The following KCNA6 variants were observed in gnomAD, a reference collection of about 807,000 sequenced individuals.
KCNA6 encodes human brain potassium channel-2.
In KCNA6, 17 loss-of-function variants were observed where a neutral mutation model predicts 29.5. The ratio of observed to expected loss-of-function variants is 0.58; its 90% CI spans 0.39 to 0.86. KCNA6 has a LOEUF of 0.86. Among genes scored for constraint, KCNA6 ranks in the 40% least tolerant of loss-of-function variants. KCNA6 has a pLI of 0.00. For synonymous variants in KCNA6, 296 were observed against 304.7 expected (o/e 0.97, Z 0.30); for missense variants, 450 against 703.4 (o/e 0.64, Z 4.07).
Position 4,811,339 on chromosome 12 carries a change from T to G in KCNA6, c.1298T>G (p.Val433Gly), listed in dbSNP as rs1591590295. 6.2e-7 allele frequency: 1 copy of G among 1,613,808 alleles called. No homozygotes were observed. Among genetic ancestry groups the G allele is most frequent in the Non-Finnish European group, 8.5e-7 (1 of 1,179,730 alleles). Reference sequence around the variant, plus strand: ...TACGGGGACATGTACCCCATGACTGTGGGGGGAAAGATCGTGGGCTCGCTG... The same window carrying G: ...TACGGGGACATGTACCCCATGACTGGGGGGGGAAAGATCGTGGGCTCGCTG... The change falls in exon 1 of 1, where the codon GTG becomes GGG. Residue 433 changes from valine (V) to glycine (G), a missense_variant. Around this residue, in one of 7 missense-constraint regions of KCNA6, gnomAD observed 57 missense variants for 140.3 expected, o/e 0.41. Coordinates refer to ENST00000280684, the Ensembl canonical transcript of KCNA6. This position sits in a 1 kb window ranked among gnomAD's most constrained non-coding sequence, Gnocchi z 7.1.
At chr12:4,825,957 T>C in the KCNA6 span, among the ~76,000 whole-genome samples, 3 of 152,258 alleles carry the variant, frequency 2.0e-5, no homozygotes, top group East Asian at 1.9e-4. Context: ...TAAAACCTTT[T>C]GATGAAAACA....
chr12:4,844,062 C>T, the KCNA6 span, among the ~76,000 whole-genome samples: 1 of 151,382 alleles, frequency 6.6e-6, no homozygotes, highest in East Asian at 2.0e-4. The surrounding 1 kb of genome is among the most constrained non-coding windows in gnomAD (Gnocchi z 4.0). Flanking sequence ...AGTTCGTTTT[C>T]TGGGATTGAC....
the KCNA6 span, among the ~76,000 whole-genome samples, chr12:4,827,184 C>CACTCCTTCCTTCCTT: frequency 9.2e-6 from 1 of 108,198 alleles, no homozygotes; most frequent in African/African-American, 4.0e-5. Flanking sequence ...TTCCTTCCTT[C>CACTCCTTCCTTCCTT]CCTCCTTCCT....
At chr12:4,836,679 C>G in the KCNA6 span, among the ~76,000 whole-genome samples, 1 of 151,944 alleles carries the variant, frequency 6.6e-6, no homozygotes, top group Non-Finnish European at 1.5e-5. Flanking sequence ...TTCTGAAGGC[C>G]ATGGGAGCAA....
At chr12:4,821,271 C>T in the KCNA6 span, among the ~76,000 whole-genome samples, 9 of 152,238 alleles carry the variant, frequency 5.9e-5, no homozygotes, top group African/African-American at 1.4e-4. Flanking sequence ...AAAAGAGGTC[C>T]GGTATGGTGG....
At chr12:4,822,931 T>C in the KCNA6 span, among the ~76,000 whole-genome samples, 1 of 152,246 alleles carries the variant, frequency 6.6e-6, no homozygotes, top group Non-Finnish European at 1.5e-5. Flanking sequence ...TCTTTGAAGC[T>C]TATTGGCCGA....
rs759476915 is a variant in KCNA6, at chr12:4,810,503, G to T, written c.462G>T (p.Gln154His). The T allele has an allele frequency of 6.2e-7, 1 of 1,614,176 alleles. No individual in the cohort carries two copies. The highest frequency in any genetic ancestry group is 8.5e-7 in the Non-Finnish European group (1 of 1,180,042). Residue 154 changes from glutamine (Q) to histidine (H), a missense_variant, in exon 1 of 1, where the codon CAG becomes CAT. Gln to His is a conservative substitution (Grantham distance 24). Coordinates refer to ENST00000280684, the Ensembl canonical transcript of KCNA6. This position sits in a 1 kb window ranked among gnomAD's most constrained non-coding sequence, Gnocchi z 7.5. ...AGGACGAGAAGCCGCTGCCCTCCCA[G>T]CCCTTCCAGCGCCAGGTGTGGCTGC...
At chr12:4,825,240 C>T in the KCNA6 span, among the ~76,000 whole-genome samples, 2 of 152,204 alleles carry the variant, frequency 1.3e-5, no homozygotes, top group African/African-American at 2.4e-5. Context: ...ATGTGATCTG[C>T]AGAACATCAG....
At chr12:4,840,023 TTCC>T in the KCNA6 span, among the ~76,000 whole-genome samples, 1 of 152,150 alleles carries the variant, frequency 6.6e-6, no homozygotes, top group African/African-American at 2.4e-5. Flanking sequence ...GAGAAAAAAC[TTCC>T]ATCATGAAAA....
chr12:4,809,954 C>T, exon 1 of KCNA6: 1 of 1,434,732 alleles, frequency 7.0e-7, no homozygotes, highest in Non-Finnish European at 9.2e-7. Context: ...AAAGAGGGCG[C>T]AGCCGGGAGC....
At chr12:4,825,718 A>G in the KCNA6 span, among the ~76,000 whole-genome samples, 1 of 152,218 alleles carries the variant, frequency 6.6e-6, no homozygotes, top group African/African-American at 2.4e-5. Flanking sequence ...TATAGTCCTT[A>G]TAAGTCTTCT....
chr12:4,838,977 A>G, the KCNA6 span: 1 of 152,338 alleles, frequency 6.6e-6, no homozygotes, highest in South Asian at 2.1e-4. Flanking sequence ...TTGAGGAAAC[A>G]CAAACATTGG....
In KCNA6 at chr12:4,811,342, G is replaced by A. The variant is rs2137573701; in HGVS notation, c.1301G>A (p.Gly434Glu). The A allele has an allele frequency of 6.2e-7, 1 of 1,613,876 alleles. No individual in the cohort carries two copies. Among genetic ancestry groups the A allele is most frequent in the Non-Finnish European group, 8.5e-7 (1 of 1,179,726 alleles). Residue 434 changes from glycine to glutamate, a missense_variant, in exon 1 of 1, where the codon GGG becomes GAG. Transcript: ENST00000280684. The surrounding 1 kb of genome is among the most constrained non-coding windows in gnomAD (Gnocchi z 7.1). ...GGGGACATGTACCCCATGACTGTGG[G>A]GGGAAAGATCGTGGGCTCGCTGTGT...
chr12:4,816,513 GA>G (rs1946684146), downstream of KCNA6, among the ~76,000 whole-genome samples: 3 of 151,902 alleles, frequency 2.0e-5, no homozygotes, highest in Admixed American at 2.0e-4. Context: ...CTGGCAAAAA[GA>G]AAAAAACTCC....
the KCNA6 span, among the ~76,000 whole-genome samples, chr12:4,834,078 C>T: frequency 1.7e-3 from 259 of 152,030 alleles, 1 homozygote; most frequent in African/African-American, 5.9e-3. Context: ...ACAGGCACAC[C>T]CACCATGTCT....
the KCNA6 span, among the ~76,000 whole-genome samples, chr12:4,824,789 T>C: frequency 6.6e-6 from 1 of 152,242 alleles, no homozygotes; most frequent in African/African-American, 2.4e-5. Flanking sequence ...TTTGCAATTA[T>C]AATACCAATC....
chr12:4,823,988 A>G, the KCNA6 span, among the ~76,000 whole-genome samples: 1 of 152,150 alleles, frequency 6.6e-6, no homozygotes, highest in South Asian at 2.1e-4. Context: ...AGAAGGTGAT[A>G]TCTGTCCACC....
chr12:4,849,516 T>C, the KCNA6 span, among the ~76,000 whole-genome samples: 1 of 101,350 alleles, frequency 9.9e-6, no homozygotes. Flanking sequence ...TTTTTTTTTT[T>C]ACCACTTTGC....
chr12:4,836,105 ATTT>A, the KCNA6 span, among the ~76,000 whole-genome samples: 1 of 137,296 alleles, frequency 7.3e-6, no homozygotes, highest in Non-Finnish European at 1.6e-5. Flanking sequence ...ATGCCTGGCT[ATTT>A]TTTTTTTTTT....
Sources: allele counts gnomAD v4.1 joint callset (sites outside exome capture counted in the v4.1 genomes callset), GRCh38; gene constraint gnomAD v4.1.1; regional missense constraint gnomAD v4.1.1; non-coding constraint Gnocchi (gnomAD v3.1); transcripts MANE v1.5; gene names NCBI Gene and HGNC (gene_info 2026-07-23, HGNC 2026-07-21).